The following CERS6 variants were observed in gnomAD, a reference collection of about 807,000 sequenced individuals.
CERS6 encodes ceramide synthase 6, also known as LAG1 homolog, ceramide synthase 6.
In CERS6, 26 loss-of-function variants were observed where a neutral mutation model predicts 56.8. The ratio of observed to expected loss-of-function variants is 0.46; its 90% CI spans 0.34 to 0.63. CERS6 has a LOEUF of 0.63. Among genes scored for constraint, CERS6 ranks in the 30% least tolerant of loss-of-function variants. The probability of loss-of-function intolerance (pLI) is 0.01; values close to 1 mark genes in which losing one functional copy is unlikely to be tolerated. For missense variants in CERS6, 415 were observed against 467.5 expected (o/e 0.89, Z 1.04); for synonymous variants, 164 against 173.3 (o/e 0.95, Z 0.42).
At chr2:168,645,142 T>TAGAGAGAGAGAGAGAGAG (rs35865470) in intron 4 of CERS6, among the ~76,000 whole-genome samples, 2 of 12,746 alleles carry the variant, frequency 1.6e-4, no homozygotes, top group Non-Finnish European at 1.5e-4. Flanking sequence ...TATATATATA[T>TAGAGAGAGAGAGAGAGAG]AGAGAGAGAG....
chr2:168,680,775 T>G (rs778237591), intron 4 of CERS6, among the ~76,000 whole-genome samples: 1 of 152,186 alleles, frequency 6.6e-6, no homozygotes, highest in Non-Finnish European at 1.5e-5. Flanking sequence ...AAGAAGACCC[T>G]CACAAGACCA....
At chr2:168,558,598 G>A (rs955440340) in intron 2 of CERS6, among the ~76,000 whole-genome samples, 16 of 152,268 alleles carry the variant, frequency 1.1e-4, no homozygotes, top group African/African-American at 2.9e-4. Flanking sequence ...GGCTGGGCGC[G>A]GTGGCTCACG....
intron 4 of CERS6, among the ~76,000 whole-genome samples, chr2:168,667,572 CT>C (rs1276271849): frequency 6.6e-6 from 1 of 152,016 alleles, no homozygotes; most frequent in Non-Finnish European, 1.5e-5. Context: ...TATTAGGCGG[CT>C]TTTTTTCTAT....
chr2:168,637,370 T>C (rs1684884434), intron 4 of CERS6, among the ~76,000 whole-genome samples: 1 of 152,072 alleles, frequency 6.6e-6, no homozygotes. Flanking sequence ...TAGTCCCAGC[T>C]ACTCAGGAGG....
At position 168,610,449 on chromosome 2, in the gene CERS6, G is replaced by A. The variant is rs577163726; in HGVS notation, c.408-20536G>A. On this transcript the variant is annotated intron_variant, in intron 3 of 9. Coordinates refer to ENST00000305747, the MANE Select transcript of CERS6 (RefSeq NM_203463.3). ...ATGTCTTGGTATTTACTAAATCCTC[G>A]GTATATCTTAATGAATGGCCATCCA... Among the ~76,000 whole-genome samples, 7 of 152,136 alleles carry A rather than the reference G, an allele frequency of 4.6e-5. No homozygotes were observed. In the South Asian group the frequency reaches 1.2e-3, roughly 27 times the overall value.
At position 168,561,320 on chromosome 2, in the gene CERS6, C is replaced by T; in HGVS notation, c.405C>T (p.Ser135=). 1 of 1,614,012 alleles carries T rather than the reference C, an allele frequency of 6.2e-7. No individual in the cohort carries two copies. Among genetic ancestry groups the T allele is most frequent in the Non-Finnish European group, 8.5e-7 (1 of 1,179,934 alleles). Reference sequence around the variant, plus strand: ...GCACGCTGACGAGGTTCTGTGAGAGCATGTAAGTTGCTGTTTTTCTTTTTG... The same window carrying T: ...GCACGCTGACGAGGTTCTGTGAGAGTATGTAAGTTGCTGTTTTTCTTTTTG... ...KPSTLTRFCE[S]MWRFSFYLYV... Residue 135 remains serine (S), a splice_region_variant and synonymous_variant, in exon 3 of 10, where the codon AGC becomes AGT. Transcript: ENST00000305747.
chr2:168,671,364 A>G (rs1685913679), intron 4 of CERS6, among the ~76,000 whole-genome samples: 1 of 152,176 alleles, frequency 6.6e-6, no homozygotes, highest in Non-Finnish European at 1.5e-5. Context: ...AAGTGGCGTC[A>G]TTTAAATAAA....
chr2:168,497,016 A>T (rs1007245385), intron 1 of CERS6, among the ~76,000 whole-genome samples: 2 of 152,182 alleles, frequency 1.3e-5, no homozygotes, highest in Admixed American at 1.3e-4. Context: ...GCCATTTCTA[A>T]TCTAGCCTAG....
chr2:168,719,054 T>A (rs62174435), intron 8 of CERS6, among the ~76,000 whole-genome samples: 4,452 of 152,318 alleles, frequency 0.029, 91 homozygotes, highest in East Asian at 0.068. Flanking sequence ...ATTGTTTAGG[T>A]GTGGACTTTA....
intron 1 of CERS6, among the ~76,000 whole-genome samples, chr2:168,511,756 A>C (rs572087667): frequency 6.6e-6 from 1 of 152,212 alleles, no homozygotes; most frequent in African/African-American, 2.4e-5. Context: ...TTTGGAGTAT[A>C]ATTTACATAC....
In CERS6 at chr2:168,583,608, G is replaced by T. The variant is rs553627220; in HGVS notation, c.407+22286G>T. Among the ~76,000 whole-genome samples, 5 of 152,306 alleles carry T rather than the reference G, an allele frequency of 3.3e-5. No homozygotes were observed. The South Asian group carries it at 1.0e-3, about 32-fold the overall frequency. ...GGCTTTTAGAGAATAATTTTAAAAT[G>T]CCATCCCTTAATATTGTCAGGGTTG... is the stretch of plus-strand genomic sequence containing the variant. On this transcript the variant is annotated intron_variant, in intron 3 of 9. Coordinates refer to ENST00000305747, the MANE Select transcript of CERS6 (RefSeq NM_203463.3).
intron 4 of CERS6, among the ~76,000 whole-genome samples, chr2:168,641,461 C>T (rs527313477): frequency 2.0e-5 from 3 of 152,270 alleles, no homozygotes; most frequent in African/African-American, 4.8e-5. Context: ...CCACATATTC[C>T]TGTCCCAGGC....
rs150724635 is a variant in CERS6, at chr2:168,520,598, C to CTTTTTTTTTTTTTTTTTTTTTTTTTT, written c.171-26994_171-26969dup. ...TTAACTCTTTAACATTTACAATATC[C>CTTTTTTTTTTTTTTTTTTTTTTTTTT]TTTTTTTTTTTTTTTTTTTTTTTTT... On this transcript the variant is annotated intron_variant, in intron 1 of 9. Coordinates refer to ENST00000305747, the MANE Select transcript of CERS6 (RefSeq NM_203463.3). Among the ~76,000 whole-genome samples the CTTTTTTTTTTTTTTTTTTTTTTTTTT allele has an allele frequency of 2.7e-3, 157 of 57,902 alleles. 37 individuals are homozygous for CTTTTTTTTTTTTTTTTTTTTTTTTTT. The highest frequency in any genetic ancestry group is 0.019 in the Middle Eastern group (1 of 54). 38.0% of individuals were successfully genotyped at this position (57,902 alleles called of 152,430 possible). A position where few individuals can be genotyped will look rare whatever the true frequency, so the allele number is the denominator to read the frequency against.
intron 8 of CERS6, among the ~76,000 whole-genome samples, chr2:168,732,607 A>T (rs1683575125): frequency 6.6e-6 from 1 of 151,900 alleles, no homozygotes; most frequent in African/African-American, 2.4e-5. Flanking sequence ...TTATTTTCTC[A>T]CCCCACATGC....
chr2:168,482,423 A>G (rs1390199622), intron 1 of CERS6, among the ~76,000 whole-genome samples: 1 of 152,232 alleles, frequency 6.6e-6, no homozygotes, highest in Non-Finnish European at 1.5e-5. Context: ...ACCTCTCACC[A>G]TGTGCCTCTC....
intron 3 of CERS6, among the ~76,000 whole-genome samples, chr2:168,598,627 G>A (rs2105259742): frequency 6.6e-6 from 1 of 151,846 alleles, no homozygotes; most frequent in African/African-American, 2.4e-5. Context: ...TAAAACTACA[G>A]GATTAGTGAA....
intron 1 of CERS6, among the ~76,000 whole-genome samples, chr2:168,466,329 A>C (rs1171670588): frequency 1.3e-5 from 2 of 152,228 alleles, no homozygotes; most frequent in African/African-American, 2.4e-5. Flanking sequence ...TGGTAAGTAC[A>C]CAATCCATTT....
intron 4 of CERS6, among the ~76,000 whole-genome samples, chr2:168,636,680 G>A (rs899946821): frequency 6.6e-6 from 1 of 152,142 alleles, no homozygotes; most frequent in Non-Finnish European, 1.5e-5. Flanking sequence ...CTTGAATAAC[G>A]AAAGGAAATT....
chr2:168,642,906 G>C (rs1359720494), intron 4 of CERS6, among the ~76,000 whole-genome samples: 1 of 152,206 alleles, frequency 6.6e-6, no homozygotes, highest in Non-Finnish European at 1.5e-5. Flanking sequence ...GTGGATGCAT[G>C]TTCCTCTCCA....
Sources: allele counts gnomAD v4.1 joint callset (sites outside exome capture counted in the v4.1 genomes callset), GRCh38; gene constraint gnomAD v4.1.1; transcripts MANE v1.5; gene names NCBI Gene and HGNC (gene_info 2026-07-23, HGNC 2026-07-21).